Variants in MYH11 observed in about 807,000 individuals in gnomAD.
The protein encoded by MYH11 is myosin-11.
In MYH11, 80 loss-of-function variants were observed where a neutral mutation model predicts 246.6. That is an observed-to-expected ratio of 0.32 (90% confidence interval 0.27 to 0.39). The LOEUF (loss-of-function observed/expected upper bound fraction) is 0.39, where lower values mean the gene tolerates loss of function less well. Among genes scored for constraint, MYH11 ranks in the 10% least tolerant of loss-of-function variants. MYH11 has a pLI of 1.00. For missense variants in MYH11, 2,158 were observed against 2,546.8 expected, an observed-to-expected ratio of 0.85 and a Z score of 3.29; for synonymous variants, 1,071 against 1,015.5, an observed-to-expected ratio of 1.05 and a Z score of -1.04.
At chr16:15,769,158 C>T (rs939062565) in intron 9 of MYH11, among the ~76,000 whole-genome samples, 4 of 151,698 alleles carry the variant, frequency 2.6e-5, no homozygotes, top group African/African-American at 9.7e-5. Context: ...ACTAAAAATA[C>T]AAAAAAAATT....
chr16:15,817,967 T>C (rs887306476), intron 3 of MYH11, among the ~76,000 whole-genome samples: 3 of 152,214 alleles, frequency 2.0e-5, no homozygotes, highest in Non-Finnish European at 4.4e-5. Flanking sequence ...TAATAATTCA[T>C]TGATTCAACA....
intron 1 of MYH11, among the ~76,000 whole-genome samples, chr16:15,855,081 C>T (rs1045437076): frequency 1.3e-5 from 2 of 152,146 alleles, no homozygotes; most frequent in Admixed American, 6.6e-5. Context: ...AATCTCTGCC[C>T]TCCCACGGAA....
chr16:15,840,924 T>C (rs2044035039), intron 1 of MYH11, among the ~76,000 whole-genome samples: 1 of 152,268 alleles, frequency 6.6e-6, no homozygotes, highest in South Asian at 2.1e-4. Context: ...CTGATTAAAA[T>C]ATTTGTCATA....
At chr16:15,823,749 CT>C (rs2151360307) in intron 2 of MYH11, among the ~76,000 whole-genome samples, 1 of 152,242 alleles carries the variant, frequency 6.6e-6, no homozygotes, top group East Asian at 1.9e-4. Context: ...CCTCAGCCTC[CT>C]GAGTAGCCAG....
At chr16:15,809,612 G>A (rs1295195844) in intron 3 of MYH11, among the ~76,000 whole-genome samples, 1 of 151,878 alleles carries the variant, frequency 6.6e-6, no homozygotes, top group African/African-American at 2.4e-5. Context: ...GGAGGTGGCT[G>A]ACACATGCAA....
chr16:15,749,702 C>A, intron 16 of MYH11: 1 of 252,448 alleles, frequency 4.0e-6, no homozygotes, highest in Non-Finnish European at 7.7e-6. Context: ...CCACTAGATG[C>A]TGACTAACAG....
rs150203941 is a variant in MYH11, at chr16:15,772,397, C to T, written c.890-685G>A. Among the ~76,000 whole-genome samples, 800 of 152,126 alleles carry T rather than the reference C, an allele frequency of 5.3e-3. 7 individuals are homozygous for T. Among genetic ancestry groups the T allele is most frequent in the African/African-American group, 0.019 (773 of 41,496 alleles). ...GTGAGCCACCGCACCTGGCCTTATT[C>T]ATGTATTTATAAAATTTTTATCAAA... On this transcript the variant is annotated intron_variant, in intron 8 of 40. Coordinates refer to ENST00000300036, the MANE Select transcript of MYH11 (RefSeq NM_002474.3).
chr16:15,810,234 T>C (rs1272853186), intron 3 of MYH11, among the ~76,000 whole-genome samples: 1 of 151,646 alleles, frequency 6.6e-6, no homozygotes, highest in Non-Finnish European at 1.5e-5. Flanking sequence ...GGGGTTTCAC[T>C]ACATTGGCCA....
chr16:15,829,101 C>T (rs1332721969), intron 2 of MYH11, among the ~76,000 whole-genome samples: 3 of 151,424 alleles, frequency 2.0e-5, no homozygotes, highest in Non-Finnish European at 4.4e-5. Flanking sequence ...GGAGAGTCAC[C>T]TGAACCAAGG....
chr16:15,846,443 G>A (rs541611884), intron 1 of MYH11, among the ~76,000 whole-genome samples: 2 of 152,278 alleles, frequency 1.3e-5, no homozygotes, highest in East Asian at 3.9e-4. Context: ...GAATGAATGA[G>A]TCTCCGGTGT....
At position 15,717,195 on chromosome 16, in the gene MYH11, C is replaced by T. The variant is rs370077312; in HGVS notation, c.5449G>A (p.Ala1817Thr). 18 of 1,614,094 alleles carry T rather than the reference C, an allele frequency of 1.1e-5. No homozygotes were observed. The highest frequency in any genetic ancestry group is 8.8e-5 in the South Asian group (8 of 91,090). The change falls in exon 38 of 41, where the codon GCG (alanine) becomes ACG (threonine). Residue 1817 changes from alanine (A) to threonine (T), a missense_variant. Around this residue, in one of 11 missense-constraint regions of MYH11, gnomAD observed 1,013 missense variants for 993.5 expected, o/e 1.02. Transcript: ENST00000300036. The part of the protein sequence containing the change: ...AVKSKFKSTI[A>T]ALEAKIAQLE... The stretch of plus-strand genomic sequence containing the variant: ...TGTGCAATCTTGGCCTCCAGCGCCG[C>T]GATGGTGGACTTGAACTTGGACTTG...
intron 3 of MYH11, among the ~76,000 whole-genome samples, chr16:15,821,979 A>G (rs1001817430): frequency 4.0e-5 from 6 of 151,674 alleles, no homozygotes; most frequent in Non-Finnish European, 8.8e-5. Flanking sequence ...TTACAACCTG[A>G]GATTACAGCT....
chr16:15,804,606 C>G (rs116511787), intron 3 of MYH11, among the ~76,000 whole-genome samples: 4 of 152,122 alleles, frequency 2.6e-5, no homozygotes, highest in South Asian at 2.1e-4. Flanking sequence ...GTAACTACCA[C>G]CTTTATCTAG....
intron 2 of MYH11, among the ~76,000 whole-genome samples, chr16:15,832,062 A>T (rs1034036046): frequency 6.6e-6 from 1 of 152,124 alleles, no homozygotes; most frequent in Non-Finnish European, 1.5e-5. Context: ...CTCTGTTCAC[A>T]ATCTGCTTGT....
chr16:15,724,716 T>C lies in MYH11; in HGVS notation c.4047A>G (p.Gln1349=), dbSNP rs1218370073. Residue 1349 remains glutamine, a synonymous_variant, in exon 30 of 41, where the codon CAA becomes CAG. Coordinates refer to ENST00000300036, the MANE Select transcript of MYH11 (RefSeq NM_002474.3). ...CCTCCATCTCCTCGTCCAGCTGGTC[T>C]TGCAGGCTGTTCCGCTCCTCCTCCA... is the stretch of plus-strand genomic sequence containing the variant. ...RQLEEERNSL[Q]DQLDEEMEAK... The C allele has an allele frequency of 6.2e-7, 1 of 1,614,090 alleles. No individual in the cohort carries two copies. The highest frequency in any genetic ancestry group is 8.5e-7 in the Non-Finnish European group (1 of 1,180,028).
chr16:15,842,488 G>A (rs1363193467), intron 1 of MYH11, among the ~76,000 whole-genome samples: 3 of 152,042 alleles, frequency 2.0e-5, no homozygotes, highest in African/African-American at 7.2e-5. Context: ...GCGGCTAGGT[G>A]CGGTGGCTCA....
In MYH11 at chr16:15,724,707, C is replaced by T; in HGVS notation, c.4056G>A (p.Leu1352=). ...EEERNSLQDQ[L]DEEMEAKQNL... ...TCTGCTTGGCCTCCATCTCCTCGTC[C>T]AGCTGGTCTTGCAGGCTGTTCCGCT... The change falls in exon 30 of 41, where the codon CTG becomes CTA. Residue 1352 remains leucine, a synonymous_variant. Transcript: ENST00000300036. The T allele has an allele frequency of 6.2e-7, 1 of 1,614,166 alleles. No homozygotes were observed. Among genetic ancestry groups the T allele is most frequent in the Non-Finnish European group, 8.5e-7 (1 of 1,180,022 alleles).
At chr16:15,854,879 A>G (rs899262512) in intron 1 of MYH11, among the ~76,000 whole-genome samples, 2 of 140,086 alleles carry the variant, frequency 1.4e-5, no homozygotes, top group Non-Finnish European at 3.1e-5. Context: ...GGGGTAGGAA[A>G]AAAGAATCCC....
rs768695681 is a variant in MYH11 at position 15,703,511 on chromosome 16, CTG to C, written c.*478_*479del. On this transcript the variant is annotated 3_prime_UTR_variant, in exon 41 of 41. Transcript: ENST00000300036. ...CCATTGATAGAACTGGAGGATGTGT[CTG>C]TGTTTCCTGTTGGGTTTTTCTCATC... 3.2e-4 allele frequency: 93 copies of C among 290,148 alleles called. No individual in the cohort carries two copies. Among genetic ancestry groups the C allele is most frequent in the Non-Finnish European group, 5.0e-4 (76 of 151,686 alleles). 18.0% of individuals were successfully genotyped at this position (290,148 alleles called of 1,614,324 possible). A position where few individuals can be genotyped will look rare whatever the true frequency, so the allele number is the denominator to read the frequency against.
Sources: allele counts gnomAD v4.1 joint callset (sites outside exome capture counted in the v4.1 genomes callset), GRCh38; gene constraint gnomAD v4.1.1; regional missense constraint gnomAD v4.1.1; transcripts MANE v1.5; gene names NCBI Gene and HGNC (gene_info 2026-07-23, HGNC 2026-07-21).